The following HSD17B12 variants were observed in gnomAD, a reference collection of about 807,000 sequenced individuals.
The protein encoded by HSD17B12 is hydroxysteroid 17-beta dehydrogenase 12.
A neutral mutation model predicts 39.3 loss-of-function variants in HSD17B12; 32 were observed. That is an observed-to-expected ratio of 0.81 (90% confidence interval 0.61 to 1.09). HSD17B12 has a LOEUF of 1.09. Ranked by LOEUF, HSD17B12 falls within the 50% of genes least tolerant of loss-of-function variation. The pLI is 0.00. For synonymous variants in HSD17B12, 150 were observed against 146.7 expected (o/e 1.02, Z -0.16); for missense variants, 342 against 382.9 (o/e 0.89, Z 0.89).
At chr11:43,657,766 G>T in the HSD17B12 span, among the ~76,000 whole-genome samples, 17 of 152,344 alleles carry the variant, frequency 1.1e-4, no homozygotes, top group Admixed American at 7.8e-4. Flanking sequence ...TCTGCTGAGA[G>T]ATCAGCTGTT....
rs371057888 is a variant in HSD17B12, at chr11:43,855,185, A to G, written c.876A>G (p.Lys292=). The G allele has an allele frequency of 6.6e-5, 107 of 1,611,910 alleles. No individual in the cohort carries two copies. The highest frequency in any genetic ancestry group is 8.5e-5 in the Non-Finnish European group (100 of 1,179,188). ...ACCTGCCTTCTTGGATTTATTTGAA[A>G]ATAGTCATGAATATGAACAAGTCTA... ...ISNLPSWIYL[K]IVMNMNKSTR... Residue 292 remains lysine, a synonymous_variant, in exon 11 of 11, where the codon AAA becomes AAG. Transcript: ENST00000278353.
chr11:43,625,000 TTCAC>T, the HSD17B12 span, among the ~76,000 whole-genome samples: 1 of 151,758 alleles, frequency 6.6e-6, no homozygotes, highest in Non-Finnish European at 1.5e-5. Context: ...GTGGTATACA[TTCAC>T]CAGAATCACA....
intron 1 of HSD17B12, among the ~76,000 whole-genome samples, chr11:43,731,810 G>A (rs1486544779): frequency 6.6e-6 from 1 of 152,136 alleles, no homozygotes; most frequent in African/African-American, 2.4e-5. Flanking sequence ...AGGAGAAAAT[G>A]TACACATGTG....
At chr11:43,597,788 C>T in the HSD17B12 span, among the ~76,000 whole-genome samples, 2 of 152,164 alleles carry the variant, frequency 1.3e-5, no homozygotes, top group African/African-American at 4.8e-5. Context: ...GCACGTGCCA[C>T]CACAACCAGC....
At chr11:43,735,863 G>T (rs1002581455) in intron 1 of HSD17B12, among the ~76,000 whole-genome samples, 7 of 152,158 alleles carry the variant, frequency 4.6e-5, no homozygotes, top group African/African-American at 1.7e-4. Context: ...GTCTTACCTG[G>T]TGGCAGGAGA....
chr11:43,748,108 A>G (rs1397235168), intron 1 of HSD17B12, among the ~76,000 whole-genome samples: 1 of 152,206 alleles, frequency 6.6e-6, no homozygotes, highest in African/African-American at 2.4e-5. Flanking sequence ...ACAGTATAAA[A>G]TTTGGATTCC....
At position 43,796,624 on chromosome 11, in the gene HSD17B12, G is replaced by A. The variant is rs112635434; in HGVS notation, c.284-1696G>A. The stretch of plus-strand genomic sequence containing the variant: ...ATCTATACAAAACTCTACAATGTAA[G>A]TATGTACATTCAGCAAATCCTGTGA... On this transcript the variant is annotated intron_variant, in intron 3 of 10. Transcript: ENST00000278353. Among the ~76,000 whole-genome samples the A allele has an allele frequency of 3.0e-3, 450 of 152,284 alleles. 5 individuals are homozygous for A. Among genetic ancestry groups the A allele is most frequent in the Non-Finnish European group, 3.5e-3 (235 of 68,008 alleles).
chr11:43,826,382 T>C (rs1381134782), intron 6 of HSD17B12, among the ~76,000 whole-genome samples: 1 of 152,146 alleles, frequency 6.6e-6, no homozygotes, highest in African/African-American at 2.4e-5. Flanking sequence ...TGTGCCCGGC[T>C]GGTATATGCA....
chr11:43,811,566 G>C (rs974371906), intron 4 of HSD17B12, among the ~76,000 whole-genome samples: 1 of 151,944 alleles, frequency 6.6e-6, no homozygotes, highest in African/African-American at 2.4e-5. Flanking sequence ...TCTCAGTGTT[G>C]AACAGGTTTT....
upstream of HSD17B12, among the ~76,000 whole-genome samples, chr11:43,679,727 C>T (rs1020360026): frequency 6.6e-6 from 1 of 152,202 alleles, no homozygotes; most frequent in Admixed American, 6.5e-5. Flanking sequence ...ATTTTTCATT[C>T]ACCATACAGC....
At chr11:43,722,404 G>A (rs1950183981) in intron 1 of HSD17B12, among the ~76,000 whole-genome samples, 1 of 152,176 alleles carries the variant, frequency 6.6e-6, no homozygotes, top group South Asian at 2.1e-4. Context: ...ATTTTAATGT[G>A]TAGCTATCTG....
the HSD17B12 span, among the ~76,000 whole-genome samples, chr11:43,587,744 G>A: frequency 6.6e-6 from 1 of 152,174 alleles, no homozygotes; most frequent in Non-Finnish European, 1.5e-5. Context: ...TGGTAAAGTC[G>A]ATGGTTCCAT....
At chr11:43,680,586 T>G (rs1949731662), upstream of HSD17B12, 13 of 513,562 alleles carry the variant, frequency 2.5e-5, no homozygotes, top group East Asian at 3.7e-5. Flanking sequence ...GACGCGGTGA[T>G]GGGAGGAGTG....
At chr11:43,828,946 C>A (rs1306285158) in intron 6 of HSD17B12, among the ~76,000 whole-genome samples, 1 of 152,072 alleles carries the variant, frequency 6.6e-6, no homozygotes, top group African/African-American at 2.4e-5. Context: ...GCTTGAAATT[C>A]AATTTATTGT....
chr11:43,816,941 T>A (rs966503398), intron 6 of HSD17B12, among the ~76,000 whole-genome samples: 1 of 151,516 alleles, frequency 6.6e-6, no homozygotes, highest in African/African-American at 2.4e-5. Context: ...CAAATGCCAT[T>A]AATTAATTCC....
the HSD17B12 span, among the ~76,000 whole-genome samples, chr11:43,666,447 C>T: frequency 6.6e-6 from 1 of 152,114 alleles, no homozygotes; most frequent in Admixed American, 6.5e-5. Flanking sequence ...TCAAGCAGTC[C>T]TCCTGCCTCA....
chr11:43,590,518 T>TTTTTTTTTTTTTTTTTTTG, the HSD17B12 span, among the ~76,000 whole-genome samples: 1 of 121,862 alleles, frequency 8.2e-6, no homozygotes, highest in Non-Finnish European at 1.7e-5. Context: ...TTTTTTTTTT[T>TTTTTTTTTTTTTTTTTTTG]TTTTTTTTTG....
intron 9 of HSD17B12, among the ~76,000 whole-genome samples, chr11:43,851,629 G>A (rs1951531626): frequency 6.6e-6 from 1 of 152,164 alleles, no homozygotes; most frequent in African/African-American, 2.4e-5. Flanking sequence ...GATCATAGCA[G>A]TGGAAAGAGA....
upstream of HSD17B12, among the ~76,000 whole-genome samples, chr11:43,676,233 G>GTGTGTGTGTGTA (rs1565043410): frequency 6.7e-6 from 1 of 149,038 alleles, no homozygotes; most frequent in Non-Finnish European, 1.5e-5. Flanking sequence ...GTGTGTGTGT[G>GTGTGTGTGTGTA]TGTATGTGTT....
Sources: allele counts gnomAD v4.1 joint callset (sites outside exome capture counted in the v4.1 genomes callset), GRCh38; gene constraint gnomAD v4.1.1; transcripts MANE v1.5; gene names NCBI Gene and HGNC (gene_info 2026-07-23, HGNC 2026-07-21).